The following PIK3C2G variants were observed in gnomAD, a reference collection of about 807,000 sequenced individuals.
PIK3C2G encodes phosphatidylinositol-4-phosphate 3-kinase catalytic subunit type 2 gamma, also known as phosphatidylinositol 3-kinase C2 domain-containing subunit gamma.
Under a neutral mutation model 181.1 loss-of-function variants are expected in PIK3C2G, and 168 were observed. That is an observed-to-expected ratio of 0.93 (90% confidence interval 0.82 to 1.05). The LOEUF (loss-of-function observed/expected upper bound fraction) is 1.05, where lower values mean the gene tolerates loss of function less well. PIK3C2G is among the 50% of genes least tolerant of loss of function. PIK3C2G has a pLI of 0.00. For missense variants in PIK3C2G, 1,869 were observed against 1,732.8 expected (o/e 1.08, Z -1.40); for synonymous variants, 573 against 592.2 (o/e 0.97, Z 0.47).
intron 30 of PIK3C2G, among the ~76,000 whole-genome samples, chr12:18,600,206 A>T (rs1947630332): frequency 6.6e-6 from 1 of 152,032 alleles, no homozygotes; most frequent in South Asian, 2.1e-4. Context: ...ATGTAGTTGA[A>T]ATTCTTTAAT....
intron 11 of PIK3C2G, chr12:18,358,458 G>A (rs1288924031): frequency 4.2e-6 from 1 of 239,220 alleles, no homozygotes. Context: ...GACCATCAAA[G>A]TATCAAGGAA....
chr12:18,429,408 A>G (rs990752231), intron 18 of PIK3C2G, among the ~76,000 whole-genome samples: 2 of 152,112 alleles, frequency 1.3e-5, no homozygotes, highest in Non-Finnish European at 2.9e-5. Flanking sequence ...AAATAATATA[A>G]CAGACTTTAT....
intron 18 of PIK3C2G, among the ~76,000 whole-genome samples, chr12:18,484,342 TA>T (rs1939839292): frequency 6.6e-6 from 1 of 152,202 alleles, no homozygotes; most frequent in Admixed American, 6.5e-5. Flanking sequence ...ATTAGCCTCA[TA>T]AATTATGGTA....
intron 8 of PIK3C2G, among the ~76,000 whole-genome samples, chr12:18,332,026 CTTAAA>C (rs1215841164): frequency 6.6e-6 from 1 of 152,042 alleles, no homozygotes; most frequent in African/African-American, 2.4e-5. Flanking sequence ...ATATTTCTAA[CTTAAA>C]TTAACTAATA....
intron 1 of PIK3C2G, among the ~76,000 whole-genome samples, chr12:18,248,756 G>T (rs948544596): frequency 2.5e-4 from 38 of 151,932 alleles, no homozygotes; most frequent in African/African-American, 9.2e-4. Flanking sequence ...TCTTTGGGGC[G>T]ATTTATTTTC....
At chr12:18,340,839 T>A (rs1939069004) in intron 9 of PIK3C2G, among the ~76,000 whole-genome samples, 1 of 152,036 alleles carries the variant, frequency 6.6e-6, no homozygotes, top group Non-Finnish European at 1.5e-5. Flanking sequence ...AATGGAGGTA[T>A]TAAGGATGGT....
intron 24 of PIK3C2G, among the ~76,000 whole-genome samples, chr12:18,529,197 C>T (rs1592501192): frequency 6.6e-6 from 1 of 151,652 alleles, no homozygotes; most frequent in South Asian, 2.1e-4. Context: ...TTAAAAACTA[C>T]AATTAAATGT....
chr12:18,362,988 G>T, intron 12 of PIK3C2G, 102 bp downstream of exon 12: 1 of 863,358 alleles, frequency 1.2e-6, no homozygotes, highest in South Asian at 2.0e-5. Context: ...AAAATATGCT[G>T]CCAGTTGATT....
At chr12:18,593,486 C>T (rs1947194827) in intron 29 of PIK3C2G, among the ~76,000 whole-genome samples, 7 of 151,738 alleles carry the variant, frequency 4.6e-5, no homozygotes, top group Admixed American at 4.6e-4. Context: ...TAGAAAAAGC[C>T]ATTGGACAGA....
chr12:18,500,296 G>A (rs1343853714), intron 22 of PIK3C2G, among the ~76,000 whole-genome samples: 2 of 152,156 alleles, frequency 1.3e-5, no homozygotes, highest in Non-Finnish European at 2.9e-5. Flanking sequence ...TTGGCCAGCG[G>A]CGGCGGAGGG....
chr12:18,518,876 A>G (rs1942729181), intron 24 of PIK3C2G, among the ~76,000 whole-genome samples: 1 of 152,202 alleles, frequency 6.6e-6, no homozygotes. Context: ...ATTTAGTGCT[A>G]TAAATTTCCC....
At chr12:18,425,727 C>T (rs1335509383) in intron 18 of PIK3C2G, among the ~76,000 whole-genome samples, 1 of 151,960 alleles carries the variant, frequency 6.6e-6, no homozygotes, top group Non-Finnish European at 1.5e-5. Flanking sequence ...TACTTAAAAA[C>T]ATAGAGAAAT....
the PIK3C2G span, among the ~76,000 whole-genome samples, chr12:18,672,191 G>T: frequency 2.0e-5 from 3 of 152,084 alleles, no homozygotes; most frequent in African/African-American, 7.2e-5. Context: ...TTCTCAGTTT[G>T]GCAGAATTAG....
intron 3 of PIK3C2G, among the ~76,000 whole-genome samples, chr12:18,288,430 A>G (rs1396654898): frequency 6.6e-6 from 1 of 152,194 alleles, no homozygotes; most frequent in African/African-American, 2.4e-5. Flanking sequence ...CTGCCTCATA[A>G]AACCTATAAC....
intron 29 of PIK3C2G, among the ~76,000 whole-genome samples, chr12:18,568,273 G>A (rs1945740940): frequency 6.6e-6 from 1 of 152,108 alleles, no homozygotes; most frequent in Non-Finnish European, 1.5e-5. Flanking sequence ...ATGGATCTCA[G>A]CATTCTTGTG....
intron 15 of PIK3C2G, among the ~76,000 whole-genome samples, chr12:18,392,169 A>G (rs908991936): frequency 6.6e-6 from 1 of 152,110 alleles, no homozygotes; most frequent in African/African-American, 2.4e-5. Context: ...TGGGAGACAT[A>G]TTTTGGCAGT....
intron 18 of PIK3C2G, among the ~76,000 whole-genome samples, chr12:18,480,840 A>G (rs1232035762): frequency 6.6e-6 from 1 of 152,206 alleles, no homozygotes; most frequent in African/African-American, 2.4e-5. Context: ...CTGCTCTGCA[A>G]GGAGAAATAC....
Position 18,574,712 on chromosome 12 carries a change from G to T in PIK3C2G, c.4011+7655G>T, listed in dbSNP as rs369950412. On this transcript the variant is annotated intron_variant, in intron 29 of 32. Transcript: ENST00000538779. The stretch of plus-strand genomic sequence containing the variant: ...AGACATATTTCAAAGTAAATTACAG[G>T]CATTGTAACAGTAGGAAAACAGCTA... Among the ~76,000 whole-genome samples, 13 of 152,194 alleles carry T rather than the reference G, an allele frequency of 8.5e-5. No individual in the cohort carries two copies. The South Asian group carries it at 1.5e-3, about 17-fold the overall frequency.
At chr12:18,623,763 G>A (rs1592740205) in intron 31 of PIK3C2G, among the ~76,000 whole-genome samples, 1 of 151,386 alleles carries the variant, frequency 6.6e-6, no homozygotes, top group African/African-American at 2.4e-5. Flanking sequence ...TGCCTCCTTT[G>A]TTAAATTTGT....
Sources: allele counts gnomAD v4.1 joint callset (sites outside exome capture counted in the v4.1 genomes callset), GRCh38; gene constraint gnomAD v4.1.1; transcripts MANE v1.5; gene names NCBI Gene and HGNC (gene_info 2026-07-23, HGNC 2026-07-21).